Variants in TNN observed in about 807,000 individuals in gnomAD.
The protein encoded by TNN is tenascin N.
In TNN, 122 loss-of-function variants were observed where a neutral mutation model predicts 134.4. That is an observed-to-expected ratio of 0.91 (90% CI 0.78 to 1.06). TNN has a LOEUF of 1.06. Ranked by LOEUF, TNN falls within the 50% of genes least tolerant of loss-of-function variation. The pLI is 0.00. For missense variants in TNN, 1,739 were observed against 1,699.4 expected, an observed-to-expected ratio of 1.02 and a Z score of -0.41; for synonymous variants, 710 against 670.3, an observed-to-expected ratio of 1.06 and a Z score of -0.91.
At chr1:175,138,616 A>G (rs1442124514) in intron 17 of TNN, among the ~76,000 whole-genome samples, 1 of 152,214 alleles carries the variant, frequency 6.6e-6, no homozygotes, top group Non-Finnish European at 1.5e-5. Context: ...CCTTGAAAAA[A>G]AAGCATTGCA....
intron 1 of TNN, among the ~76,000 whole-genome samples, chr1:175,068,948 T>C (rs1673857986): frequency 6.6e-6 from 1 of 152,004 alleles, no homozygotes; most frequent in African/African-American, 2.4e-5. Context: ...CAAAAAAAAC[T>C]AGTTTTTGGA....
At chr1:175,083,132 T>C (rs1216948412) in intron 4 of TNN, among the ~76,000 whole-genome samples, 1 of 152,100 alleles carries the variant, frequency 6.6e-6, no homozygotes, top group African/African-American at 2.4e-5. Context: ...CTAAAATTGG[T>C]AAAAATAGCA....
chr1:175,078,831 G>C (rs1008356259), intron 2 of TNN, among the ~76,000 whole-genome samples: 17 of 152,092 alleles, frequency 1.1e-4, no homozygotes, highest in African/African-American at 3.6e-4. Flanking sequence ...CTGCAGTTCC[G>C]TTTTTTCCAG....
chr1:175,123,620 G>C lies in TNN; in HGVS notation c.2871G>C (p.Lys957Asn), dbSNP rs373295570. The C allele has an allele frequency of 1.2e-6, 2 of 1,614,072 alleles. No individual in the cohort carries two copies. The highest frequency in any genetic ancestry group is 1.7e-6 in the Non-Finnish European group (2 of 1,180,046). ...MEYMVHVWAQ[K>N]GAQESKKADT... ...ACATGGTGCACGTGTGGGCCCAGAA[G>C]GGGGCCCAGGAGAGCAAGAAGGCTG... is the stretch of plus-strand genomic sequence containing the variant. The change falls in exon 12 of 19, where the codon AAG (lysine) becomes AAC (asparagine). Residue 957 changes from lysine to asparagine, a missense_variant. Coordinates refer to ENST00000239462, the MANE Select transcript of TNN (RefSeq NM_022093.2).
intron 11 of TNN, among the ~76,000 whole-genome samples, chr1:175,120,893 C>T (rs184133076): frequency 1.9e-3 from 293 of 152,282 alleles, no homozygotes; most frequent in African/African-American, 6.7e-3. Context: ...CTTGACCTCC[C>T]GGGCTCAAGC....
At chr1:175,077,328 G>C in intron 1 of TNN, 56 bp from the exon 2 acceptor site, 1 of 1,372,354 alleles carries the variant, frequency 7.3e-7, no homozygotes, top group Non-Finnish European at 9.9e-7. Context: ...TAAAAAAAAA[G>C]CCAGCTTCCC....
At chr1:175,145,552 CAAAAAAAAAA>C (rs3028580) in intron 18 of TNN, among the ~76,000 whole-genome samples, 1 of 28,910 alleles carries the variant, frequency 3.5e-5, no homozygotes, top group African/African-American at 1.5e-4. Context: ...GACCCTGTCT[CAAAAAAAAAA>C]AAAAAAAAAA....
At position 175,113,367 on chromosome 1, in the gene TNN, C is replaced by G. The variant is rs139873866; in HGVS notation, c.2120-3572C>G. On this transcript the variant is annotated intron_variant, in intron 9 of 18. Coordinates refer to ENST00000239462, the MANE Select transcript of TNN (RefSeq NM_022093.2). ...AGCTTTTTTTCCACCCCTTTCAGAT[C>G]TTGGGCTATATCATCCCTTTCTCTC... is the stretch of plus-strand genomic sequence containing the variant. Among the ~76,000 whole-genome samples the G allele has an allele frequency of 2.0e-5, 3 of 152,242 alleles. No homozygotes were observed. In the East Asian group the frequency reaches 5.8e-4, roughly 29 times the overall value.
In TNN at chr1:175,123,954, A is replaced by G. The variant is rs575365202; in HGVS notation, c.2914+291A>G. On this transcript the variant is annotated intron_variant, in intron 12 of 18. Transcript: ENST00000239462. ...GCTATGGAGAAAATGGTTGGGCCTC[A>G]GCTGCAGTTGGGAGAAGACAGAGGC... Among the ~76,000 whole-genome samples, 7 of 152,356 alleles carry G rather than the reference A, an allele frequency of 4.6e-5. No homozygotes were observed. In the East Asian group the frequency reaches 1.3e-3, roughly 29 times the overall value.
chr1:175,079,767 C>G, intron 3 of TNN, 60 bp downstream of exon 3: 1 of 1,512,756 alleles, frequency 6.6e-7, no homozygotes, highest in South Asian at 1.3e-5. Context: ...ACCATTTAAC[C>G]CTCAATTACA....
chr1:175,079,340 C>A lies in TNN; in HGVS notation c.417C>A (p.Ser139Arg). ...TTCTCCTCTCCCTCCCAGATCTAAG[C>A]CGCCACTGCAGCGGCCACGGGACCT... ...QRCCQGVTDLSRHCSGHGTFS... is the reference protein window; with the variant it reads ...QRCCQGVTDLRRHCSGHGTFS... The change falls in exon 3 of 19, where the codon AGC becomes AGA. Residue 139 changes from serine (S) to arginine (R), a missense_variant. Coordinates refer to ENST00000239462, the MANE Select transcript of TNN (RefSeq NM_022093.2). The A allele has an allele frequency of 6.3e-7, 1 of 1,592,484 alleles. No individual in the cohort carries two copies.
At chr1:175,100,487 T>A (rs1307787942) in intron 9 of TNN, among the ~76,000 whole-genome samples, 1 of 152,220 alleles carries the variant, frequency 6.6e-6, no homozygotes, top group Non-Finnish European at 1.5e-5. Context: ...CTCACTGGCT[T>A]CTCCAATGTC....
intron 1 of TNN, among the ~76,000 whole-genome samples, chr1:175,075,448 C>T (rs942094597): frequency 4.6e-5 from 7 of 151,970 alleles, no homozygotes; most frequent in South Asian, 2.1e-4. Flanking sequence ...AGGAGTGCAC[C>T]GCCACACCTG....
At chr1:175,115,360 C>T (rs1422146185) in intron 9 of TNN, among the ~76,000 whole-genome samples, 1 of 149,980 alleles carries the variant, frequency 6.7e-6, no homozygotes, top group East Asian at 1.9e-4. Context: ...AGTTTCAGCT[C>T]AGGCCCCTAC....
At chr1:175,076,842 T>G (rs1674052425) in intron 1 of TNN, among the ~76,000 whole-genome samples, 1 of 152,204 alleles carries the variant, frequency 6.6e-6, no homozygotes, top group South Asian at 2.1e-4. Context: ...GCAAGTCATT[T>G]AAAGTAGTAG....
At position 175,072,030 on chromosome 1, in the gene TNN, G is replaced by T. The variant is rs6700464; in HGVS notation, c.-36+4095G>T. ...GGCTAGAAACACGCATACAGATTTG[G>T]CAACTGTCAACATTTGGCTGGAAAT... is the stretch of plus-strand genomic sequence containing the variant. On this transcript the variant is annotated intron_variant, in intron 1 of 18. Coordinates refer to ENST00000239462, the MANE Select transcript of TNN (RefSeq NM_022093.2). 5.7e-3 allele frequency among the ~76,000 whole-genome samples: 872 copies of T among 152,216 alleles called. 5 individuals carry two copies. The highest frequency in any genetic ancestry group is 0.02 in the African/African-American group (817 of 41,536).
At chr1:175,073,225 T>C (rs1673960674) in intron 1 of TNN, among the ~76,000 whole-genome samples, 1 of 152,186 alleles carries the variant, frequency 6.6e-6, no homozygotes, top group Non-Finnish European at 1.5e-5. Context: ...ATTGCATCTG[T>C]GGCCGTGTGC....
chr1:175,077,345 C>T (rs1674063468), intron 1 of TNN, 39 bp from the exon 2 acceptor site: 3 of 1,480,898 alleles, frequency 2.0e-6, no homozygotes, highest in Non-Finnish European at 2.7e-6. Flanking sequence ...TCCCTCAGCA[C>T]ATCTCCGTGG....
At chr1:175,141,069 C>T (rs908908786) in intron 17 of TNN, among the ~76,000 whole-genome samples, 1 of 152,222 alleles carries the variant, frequency 6.6e-6, no homozygotes, top group Admixed American at 6.5e-5. Flanking sequence ...GCTCCCCACT[C>T]AGACTGTCCA....
Sources: allele counts gnomAD v4.1 joint callset (sites outside exome capture counted in the v4.1 genomes callset), GRCh38; gene constraint gnomAD v4.1.1; transcripts MANE v1.5; gene names NCBI Gene and HGNC (gene_info 2026-07-23, HGNC 2026-07-21).